Variants in ZNF570 observed in about 807,000 individuals in gnomAD.
The protein encoded by ZNF570 is zinc finger protein 570.
In ZNF570, 8 loss-of-function variants were observed where a neutral mutation model predicts 14.2. The ratio of observed to expected loss-of-function variants is 0.56; its 90% confidence interval spans 0.33 to 1.02. ZNF570 has a LOEUF of 1.02. Among genes scored for constraint, ZNF570 ranks in the 50% least tolerant of loss-of-function variants. ZNF570 has a pLI of 0.03. For missense variants in ZNF570, 559 were observed against 624.9 expected, an observed-to-expected ratio of 0.89 and a Z score of 1.12; for synonymous variants, 202 against 207.6, an observed-to-expected ratio of 0.97 and a Z score of 0.23.
At chr19:37,468,056 C>A, upstream of ZNF570, 3 of 799,646 alleles carry the variant, frequency 3.8e-6, no homozygotes, top group Non-Finnish European at 5.9e-6. Context: ...TACTTAACTT[C>A]TCTATGCCTT....
chr19:37,470,849 G>C (rs1176929688), intron 2 of ZNF570, among the ~76,000 whole-genome samples: 1 of 147,346 alleles, frequency 6.8e-6, no homozygotes, highest in African/African-American at 2.5e-5. Context: ...ATAGGTGTGC[G>C]CCATCACGCC....
intron 2 of ZNF570, among the ~76,000 whole-genome samples, chr19:37,472,522 C>G (rs1010624488): frequency 6.6e-6 from 1 of 152,042 alleles, no homozygotes; most frequent in Non-Finnish European, 1.5e-5. Flanking sequence ...GGGCGGATCA[C>G]CTGAGGTCGG....
chr19:37,487,520 A>G lies in ZNF570; in HGVS notation c.*2287A>G, dbSNP rs1039479956. The stretch of plus-strand genomic sequence containing the variant: ...GGAGTAAAATTCCAGAGGTGGAGAC[A>G]TGTAATTAATACTTAAATATAAAAC... On this transcript the variant is annotated 3_prime_UTR_variant, in exon 5 of 5. Transcript: ENST00000330173. 3.9e-5 allele frequency: 6 copies of G among 152,208 alleles called. No individual in the cohort carries two copies. Among genetic ancestry groups the G allele is most frequent in the Admixed American group, 3.9e-4 (6 of 15,278 alleles). 9.4% of individuals were successfully genotyped at this position (152,208 alleles called of 1,614,324 possible).
Position 37,482,547 on chromosome 19 carries a change from C to T in ZNF570, c.257-1332C>T, listed in dbSNP as rs1158080477. ...ACCATTCGTGAGGACTCCACCCCCA[C>T]GATCCAGTCACCTCCCACCAGGCCC... On this transcript the variant is annotated intron_variant, in intron 4 of 4. Coordinates refer to ENST00000330173, the MANE Select transcript of ZNF570 (RefSeq NM_144694.5). 1.3e-5 allele frequency among the ~76,000 whole-genome samples: 2 copies of T among 152,290 alleles called. 1 individual carries two copies. The highest frequency in any genetic ancestry group is 2.9e-5 in the Non-Finnish European group (2 of 68,018).
chr19:37,478,320 C>T (rs532502613), intron 4 of ZNF570, among the ~76,000 whole-genome samples: 1 of 152,146 alleles, frequency 6.6e-6, no homozygotes, highest in South Asian at 2.1e-4. Flanking sequence ...AAACATTAAA[C>T]ATATTAGTTT....
chr19:37,468,138 G>A, upstream of ZNF570: 4 of 592,074 alleles, frequency 6.8e-6, no homozygotes, highest in South Asian at 8.5e-5. Context: ...AGGCTGGAGA[G>A]TGCAGCGGCG....
Position 37,484,206 on chromosome 19 carries a change from A to T in ZNF570, c.584A>T (p.Gln195Leu). The change falls in exon 5 of 5, where the codon CAA becomes CTA. Residue 195 changes from glutamine to leucine, a missense_variant. Coordinates refer to ENST00000330173, the MANE Select transcript of ZNF570 (RefSeq NM_144694.5). Reference protein sequence around the residue: ...KEEKVHKHDTQKRSFKKNLMA... With the variant: ...KEEKVHKHDTLKRSFKKNLMA... ...GAGAAAGTACATAAACATGACACAC[A>T]AAAGAGAAGCTTTAAAAAAAATTTA... 6.2e-7 allele frequency: 1 copy of T among 1,614,016 alleles called. No individual in the cohort carries two copies. Among genetic ancestry groups the T allele is most frequent in the Non-Finnish European group, 8.5e-7 (1 of 1,180,012 alleles).
intron 2 of ZNF570, among the ~76,000 whole-genome samples, chr19:37,471,345 G>A (rs542748402): frequency 1.3e-4 from 20 of 152,124 alleles, no homozygotes; most frequent in Non-Finnish European, 2.6e-4. Context: ...GCATGGCCTT[G>A]CACTTGCTAT....
At chr19:37,482,744 C>T (rs1295331059) in intron 4 of ZNF570, among the ~76,000 whole-genome samples, 2 of 152,032 alleles carry the variant, frequency 1.3e-5, no homozygotes, top group Non-Finnish European at 2.9e-5. Context: ...CAGTTTACCT[C>T]ATGCTGTTCT....
At position 37,488,106 on chromosome 19, in the gene ZNF570, A is replaced by G. The variant is rs563541752; in HGVS notation, c.*2873A>G. On this transcript the variant is annotated 3_prime_UTR_variant, in exon 5 of 5. Coordinates refer to ENST00000330173, the MANE Select transcript of ZNF570 (RefSeq NM_144694.5). ...CTTTGACCCAGCAATTCCATGTTTA[A>G]ACCTCTACATAGTCTCTCCTCGTGT... The G allele has an allele frequency of 6.6e-6, 1 of 152,332 alleles. No homozygotes were observed. The highest frequency in any genetic ancestry group is 2.4e-5 in the African/African-American group (1 of 41,576). 9.4% of individuals were successfully genotyped at this position (152,332 alleles called of 1,614,324 possible). A position where few individuals can be genotyped will look rare whatever the true frequency, so the allele number is the denominator to read the frequency against.
intron 2 of ZNF570, 58 bp from the exon 3 acceptor site, chr19:37,475,823 C>T: frequency 6.5e-7 from 1 of 1,547,184 alleles, no homozygotes; most frequent in Non-Finnish European, 8.8e-7. Context: ...GTGCCTAGGG[C>T]AGAGGAAATG....
chr19:37,474,591 CGG>C (rs2042003064), intron 2 of ZNF570, among the ~76,000 whole-genome samples: 1 of 152,010 alleles, frequency 6.6e-6, no homozygotes, highest in Non-Finnish European at 1.5e-5. Context: ...TCCTGAGTAC[CGG>C]GGATTATAGG....
At chr19:37,474,268 A>G (rs1423720380) in intron 2 of ZNF570, among the ~76,000 whole-genome samples, 1 of 152,214 alleles carries the variant, frequency 6.6e-6, no homozygotes, top group Non-Finnish European at 1.5e-5. Context: ...GAATCAGTGG[A>G]AAATATGTAT....
chr19:37,476,189 A>G, intron 3 of ZNF570, 150 bp from the exon 4 acceptor site: 2 of 1,255,142 alleles, frequency 1.6e-6, no homozygotes, highest in Non-Finnish European at 2.2e-6. Context: ...CTGAAGCTTC[A>G]TCTTCCTTAT....
At position 37,488,611 on chromosome 19, in the gene ZNF570, A is replaced by C. The variant is rs2042180427; in HGVS notation, c.*3378A>C. ...TCTTACTCTCTGTATCTTTCTGTAT[A>C]AACTATTTCATAATGCAAAAAAATA... is the stretch of plus-strand genomic sequence containing the variant. On this transcript the variant is annotated 3_prime_UTR_variant, in exon 5 of 5. Coordinates refer to ENST00000330173, the MANE Select transcript of ZNF570 (RefSeq NM_144694.5). 6.6e-6 allele frequency: 1 copy of C among 152,176 alleles called. No individual in the cohort carries two copies. Among genetic ancestry groups the C allele is most frequent in the South Asian group, 2.1e-4 (1 of 4,834 alleles). The allele number at this position is 152,176 out of a possible 1,614,324, so 9.4% of individuals were successfully genotyped here.
rs377333806 is a variant in ZNF570 at position 37,484,434 on chromosome 19, A to G, written c.812A>G (p.Glu271Gly). ...LVQHQRIHTG[E>G]KPYECKECRK... ...CAACATCAGAGGATTCATACTGGAG[A>G]AAAACCCTATGAATGTAAGGAATGT... is the stretch of plus-strand genomic sequence containing the variant. The change falls in exon 5 of 5, where the codon GAA becomes GGA. Residue 271 changes from glutamate (E) to glycine (G), a missense_variant. By Grantham distance (98) the Glu-to-Gly change is moderately conservative. Coordinates refer to ENST00000330173, the MANE Select transcript of ZNF570 (RefSeq NM_144694.5). 6.2e-6 allele frequency: 10 copies of G among 1,614,040 alleles called. No individual in the cohort carries two copies. Among genetic ancestry groups the G allele is most frequent in the Non-Finnish European group, 8.5e-6 (10 of 1,180,016 alleles).
intron 2 of ZNF570, among the ~76,000 whole-genome samples, chr19:37,473,565 T>TAGGTA (rs2041992561): frequency 9.9e-5 from 15 of 151,944 alleles, no homozygotes; most frequent in African/African-American, 3.4e-4. Context: ...AGGGCAACAG[T>TAGGTA]TGAGGTATAG....
At position 37,476,223 on chromosome 19, in the gene ZNF570, C is replaced by T. The variant is rs1023196210; in HGVS notation, c.161-116C>T. The T allele has an allele frequency of 6.7e-6, 9 of 1,335,790 alleles. No individual in the cohort carries two copies. In the East Asian group the frequency reaches 2.2e-4, roughly 33 times the overall value. The allele number at this position is 1,335,790 out of a possible 1,614,324, so 82.7% of individuals were successfully genotyped here. A position where few individuals can be genotyped will look rare whatever the true frequency, so the allele number is the denominator to read the frequency against. On this transcript the variant is annotated intron_variant, in intron 3 of 4. Coordinates refer to ENST00000330173, the MANE Select transcript of ZNF570 (RefSeq NM_144694.5). ...ATCCTTCTAATACATGTCCTTTACA[C>T]ATTTCTCTTTTTGCTTACTGTAAAC... is the stretch of plus-strand genomic sequence containing the variant.
At chr19:37,476,573 A>G in intron 4 of ZNF570, 139 bp downstream of exon 4, 1 of 1,222,206 alleles carries the variant, frequency 8.2e-7, no homozygotes, top group Non-Finnish European at 1.1e-6. Context: ...GCCATTTAGG[A>G]TGTTCTCCCA....
Sources: allele counts gnomAD v4.1 joint callset (sites outside exome capture counted in the v4.1 genomes callset), GRCh38; gene constraint gnomAD v4.1.1; transcripts MANE v1.5; gene names NCBI Gene and HGNC (gene_info 2026-07-23, HGNC 2026-07-21).